The following SLC14A2 variants were observed in gnomAD, a reference collection of about 807,000 sequenced individuals.
SLC14A2 encodes urea transporter 2.
In SLC14A2, 91 loss-of-function variants were observed where a neutral mutation model predicts 104.6. The ratio of observed to expected loss-of-function variants is 0.87; its 90% CI spans 0.73 to 1.04. The LOEUF (loss-of-function observed/expected upper bound fraction) is 1.04, where lower values mean the gene tolerates loss of function less well. Ranked by LOEUF, SLC14A2 falls within the 50% of genes least tolerant of loss-of-function variation. SLC14A2 has a pLI of 0.00. For missense variants in SLC14A2, 1,189 were observed against 1,156.0 expected, an observed-to-expected ratio of 1.03 and a Z score of -0.41; for synonymous variants, 476 against 466.4, an observed-to-expected ratio of 1.02 and a Z score of -0.27.
intron 2 of SLC14A2, among the ~76,000 whole-genome samples, chr18:45,598,439 G>A (rs1416084604): frequency 1.3e-5 from 2 of 152,104 alleles, no homozygotes; most frequent in Non-Finnish European, 1.5e-5. Flanking sequence ...CTACATGGAC[G>A]GCGCTGCATT....
chr18:45,514,054 G>T (rs969684987), intron 2 of SLC14A2, among the ~76,000 whole-genome samples: 39 of 152,206 alleles, frequency 2.6e-4, no homozygotes, highest in Middle Eastern at 3.4e-3. Flanking sequence ...CAAACTAATA[G>T]AATCAGCCAG....
chr18:45,374,116 C>T (rs1235401905), intron 1 of SLC14A2, among the ~76,000 whole-genome samples: 2 of 152,192 alleles, frequency 1.3e-5, no homozygotes, highest in African/African-American at 4.8e-5. Context: ...TCCTACCCAG[C>T]ACCCACTGCT....
At chr18:45,546,783 A>AT (rs1360733770) in intron 2 of SLC14A2, among the ~76,000 whole-genome samples, 1 of 152,192 alleles carries the variant, frequency 6.6e-6, no homozygotes, top group Non-Finnish European at 1.5e-5. Context: ...TGCAGAAAAA[A>AT]ATATATATAC....
intron 1 of SLC14A2, among the ~76,000 whole-genome samples, chr18:45,385,153 TG>T (rs770980157): frequency 3.9e-5 from 6 of 152,180 alleles, no homozygotes; most frequent in Non-Finnish European, 5.9e-5. Flanking sequence ...AACCGCGAAG[TG>T]GGGCTGATTT....
intron 1 of SLC14A2, among the ~76,000 whole-genome samples, chr18:45,308,854 G>A (rs1458716914): frequency 6.6e-6 from 1 of 152,186 alleles, no homozygotes; most frequent in Non-Finnish European, 1.5e-5. Context: ...TCTGGTTGTT[G>A]CCTATCAGTT....
At chr18:45,602,467 C>A (rs1057008220) in intron 2 of SLC14A2, among the ~76,000 whole-genome samples, 1 of 152,196 alleles carries the variant, frequency 6.6e-6, no homozygotes, top group Admixed American at 6.5e-5. Flanking sequence ...ACTTCACCTA[C>A]TGTGTGGCTT....
At chr18:45,413,258 G>A (rs962977376) in intron 1 of SLC14A2, among the ~76,000 whole-genome samples, 25 of 152,070 alleles carry the variant, frequency 1.6e-4, no homozygotes, top group Non-Finnish European at 8.8e-5. Context: ...CAAATTTGTT[G>A]CGGAGAATCT....
chr18:45,615,641 T>G (rs1470838108), intron 1 of SLC14A2, 59 bp downstream of exon 1: 1 of 151,896 alleles, frequency 6.6e-6, no homozygotes, highest in African/African-American at 2.4e-5. Flanking sequence ...TCTCAGGTAG[T>G]TCTTTATAGC....
chr18:45,211,800 G>A (rs895579464), upstream of SLC14A2, among the ~76,000 whole-genome samples: 2 of 152,158 alleles, frequency 1.3e-5, no homozygotes, highest in African/African-American at 2.4e-5. Flanking sequence ...AAAGGCTGAT[G>A]CCCAAAGGCT....
chr18:45,500,541 C>T (rs1416378698), intron 2 of SLC14A2, among the ~76,000 whole-genome samples: 1 of 142,140 alleles, frequency 7.0e-6, no homozygotes, highest in Admixed American at 7.5e-5. Context: ...CGCGCCACTG[C>T]ACTCCAGCCT....
chr18:45,319,244 C>G (rs1466858361), intron 1 of SLC14A2, among the ~76,000 whole-genome samples: 5 of 152,316 alleles, frequency 3.3e-5, no homozygotes, highest in Middle Eastern at 3.4e-3. Context: ...AACCCTCCCT[C>G]TTCTGTTACC....
chr18:45,211,475 G>A (rs1015187587), upstream of SLC14A2, among the ~76,000 whole-genome samples: 16 of 152,046 alleles, frequency 1.1e-4, no homozygotes, highest in East Asian at 3.9e-4. Flanking sequence ...TAACTTTTAG[G>A]GAGAAGAAAA....
intron 1 of SLC14A2, among the ~76,000 whole-genome samples, chr18:45,461,695 G>T (rs1288792777): frequency 2.0e-5 from 3 of 152,186 alleles, no homozygotes; most frequent in African/African-American, 7.2e-5. Flanking sequence ...CAACAAAAAG[G>T]CCTTGAAATT....
At chr18:45,576,271 G>GGTTTT (rs2044417251) in intron 2 of SLC14A2, among the ~76,000 whole-genome samples, 1 of 95,996 alleles carries the variant, frequency 1.0e-5, no homozygotes, top group African/African-American at 3.7e-5. Context: ...TGGAGCAGGG[G>GGTTTT]CTTTTTTTTT....
chr18:45,484,593 G>C (rs2087562325), intron 2 of SLC14A2, among the ~76,000 whole-genome samples: 1 of 152,154 alleles, frequency 6.6e-6, no homozygotes, highest in Non-Finnish European at 1.5e-5. Context: ...AAGGCAATAA[G>C]CCACTGGCAA....
At chr18:45,239,079 G>A (rs753575611) in intron 1 of SLC14A2, among the ~76,000 whole-genome samples, 20 of 152,112 alleles carry the variant, frequency 1.3e-4, no homozygotes, top group Non-Finnish European at 2.4e-4. Flanking sequence ...TTTCCTACCG[G>A]GAATGTTGGC....
At chr18:45,370,210 A>G (rs1265065880) in intron 1 of SLC14A2, among the ~76,000 whole-genome samples, 1 of 152,208 alleles carries the variant, frequency 6.6e-6, no homozygotes. Flanking sequence ...GGCTGAACAC[A>G]TGGGAGAACC....
chr18:45,524,296 T>C (rs1004820271), intron 2 of SLC14A2, among the ~76,000 whole-genome samples: 1 of 152,238 alleles, frequency 6.6e-6, no homozygotes, highest in Non-Finnish European at 1.5e-5. Context: ...TCAACAAGTG[T>C]CTGGCTACCC....
intron 1 of SLC14A2, among the ~76,000 whole-genome samples, chr18:45,621,159 C>CAG (rs2045161193): frequency 6.6e-6 from 1 of 152,192 alleles, no homozygotes; most frequent in Non-Finnish European, 1.5e-5. Context: ...TCTTGGCCAC[C>CAG]AGAGGGAGAG....
Sources: allele counts gnomAD v4.1 joint callset (sites outside exome capture counted in the v4.1 genomes callset), GRCh38; gene constraint gnomAD v4.1.1; transcripts MANE v1.5; gene names NCBI Gene and HGNC (gene_info 2026-07-23, HGNC 2026-07-21).